Variants in DIPK1A observed in about 807,000 individuals in gnomAD.
DIPK1A encodes divergent protein kinase domain 1A.
Under a neutral mutation model 40.8 loss-of-function variants are expected in DIPK1A, and 27 were observed. That is an observed-to-expected ratio of 0.66 (90% CI 0.49 to 0.91). The LOEUF (loss-of-function observed/expected upper bound fraction) is 0.91, where lower values mean the gene tolerates loss of function less well. Among genes scored for constraint, DIPK1A ranks in the 40% least tolerant of loss-of-function variants. The pLI is 0.00. For missense variants in DIPK1A, 412 were observed against 505.7 expected (o/e 0.81, Z 1.78); for synonymous variants, 166 against 171.3 (o/e 0.97, Z 0.24).
chr1:92,955,752 G>C (rs1353043279), intron 1 of DIPK1A, among the ~76,000 whole-genome samples: 2 of 151,124 alleles, frequency 1.3e-5, no homozygotes, highest in African/African-American at 4.9e-5. Context: ...AATGAAAATA[G>C]GGGAGGGGCC....
chr1:92,851,273 G>A (rs773439910), intron 2 of DIPK1A, among the ~76,000 whole-genome samples: 10 of 152,052 alleles, frequency 6.6e-5, no homozygotes, highest in Non-Finnish European at 7.4e-5. Flanking sequence ...GCCAGGCACC[G>A]TGGCTCACGC....
rs72726483 is a variant in DIPK1A, at chr1:92,843,132, G to A, written c.*251C>T. ...TTCACAGCATTGGTTTTTAAAGTCA[G>A]TCAAAATAGTTACACAATGAATGTA... On this transcript the variant is annotated 3_prime_UTR_variant, in exon 5 of 5. Coordinates refer to ENST00000370310, the MANE Select transcript of DIPK1A (RefSeq NM_001006605.5). The A allele has an allele frequency of 8.7e-4, 1,018 of 1,175,258 alleles. No homozygotes were observed. Among genetic ancestry groups the A allele is most frequent in the Non-Finnish European group, 1.0e-3 (970 of 948,168 alleles). 72.8% of individuals were successfully genotyped at this position (1,175,258 alleles called of 1,614,324 possible). A position where few individuals can be genotyped will look rare whatever the true frequency, so the allele number is the denominator to read the frequency against.
rs776079220 is a variant in DIPK1A, at chr1:92,847,288, A to G, written c.369T>C (p.Asp123=). 1 of 1,612,730 alleles carries G rather than the reference A, an allele frequency of 6.2e-7. No individual in the cohort carries two copies. Among genetic ancestry groups the G allele is most frequent in the Non-Finnish European group, 8.5e-7 (1 of 1,179,310 alleles). Residue 123 remains aspartate (D), a synonymous_variant, in exon 4 of 5, where the codon GAT becomes GAC. Coordinates refer to ENST00000370310, the MANE Select transcript of DIPK1A (RefSeq NM_001006605.5). The part of the protein sequence containing the change: ...KCQMEQALHL[D]FGTELEPRKE... Reference sequence around the variant, plus strand: ...TTCTTGGTTCCAATTCAGTTCCAAAATCAAGATGAAGCGCTTGTTCCATTT... The same window carrying G: ...TTCTTGGTTCCAATTCAGTTCCAAAGTCAAGATGAAGCGCTTGTTCCATTT...
intron 1 of DIPK1A, among the ~76,000 whole-genome samples, chr1:92,960,957 G>A (rs1201225047): frequency 6.6e-6 from 1 of 152,234 alleles, no homozygotes; most frequent in Non-Finnish European, 1.5e-5. Context: ...AAGGGCAACC[G>A]ACCTGCGGGG....
At chr1:92,885,051 A>T (rs1352558584) in intron 1 of DIPK1A, among the ~76,000 whole-genome samples, 3 of 152,180 alleles carry the variant, frequency 2.0e-5, no homozygotes, top group Non-Finnish European at 4.4e-5. Flanking sequence ...TCCTAGACAC[A>T]TGGTAATTAA....
chr1:92,938,993 C>T (rs1404649060), intron 1 of DIPK1A, among the ~76,000 whole-genome samples: 3 of 151,416 alleles, frequency 2.0e-5, no homozygotes, highest in African/African-American at 4.9e-5. Flanking sequence ...CTCTGCATCT[C>T]GGATTTAAGT....
chr1:92,960,093 G>C (rs1428427182), intron 1 of DIPK1A, among the ~76,000 whole-genome samples: 1 of 151,350 alleles, frequency 6.6e-6, no homozygotes, highest in African/African-American at 2.4e-5. Flanking sequence ...AGATTACACA[G>C]AGGTACCTGG....
At chr1:92,928,931 C>T (rs1431950033) in intron 1 of DIPK1A, among the ~76,000 whole-genome samples, 2 of 151,942 alleles carry the variant, frequency 1.3e-5, no homozygotes, top group African/African-American at 2.4e-5. Context: ...CACTGAACTC[C>T]AGCCTGGGCA....
chr1:92,882,167 C>A (rs965648109), intron 1 of DIPK1A, among the ~76,000 whole-genome samples: 1 of 152,192 alleles, frequency 6.6e-6, no homozygotes. Context: ...GTGGGCAGAT[C>A]ACCTGAGGTC....
intron 1 of DIPK1A, among the ~76,000 whole-genome samples, chr1:92,887,806 G>A (rs112000882): frequency 1.3e-5 from 2 of 152,274 alleles, no homozygotes; most frequent in African/African-American, 4.8e-5. Flanking sequence ...AGAACATACA[G>A]AGGATAAGCA....
downstream of DIPK1A, chr1:92,841,743 A>G (rs1301429900): frequency 1.3e-6 from 2 of 1,519,352 alleles, no homozygotes; most frequent in Admixed American, 3.4e-5. Flanking sequence ...AGTTTAAAAA[A>G]TATATATTCC....
At chr1:92,872,967 C>T (rs1465586539) in intron 2 of DIPK1A, among the ~76,000 whole-genome samples, 1 of 152,148 alleles carries the variant, frequency 6.6e-6, no homozygotes, top group East Asian at 1.9e-4. Flanking sequence ...GCATGAGGTT[C>T]CCCTGGTTTT....
At chr1:92,866,183 C>A (rs762794682) in intron 2 of DIPK1A, among the ~76,000 whole-genome samples, 6 of 152,216 alleles carry the variant, frequency 3.9e-5, no homozygotes, top group Non-Finnish European at 7.3e-5. Context: ...CTCACTGCAG[C>A]CTCCGTCTCC....
intron 1 of DIPK1A, chr1:92,930,949 T>C (rs888770851): frequency 1.3e-5 from 2 of 152,216 alleles, no homozygotes; most frequent in African/African-American, 4.8e-5. Flanking sequence ...CTCCAATTGT[T>C]GACTTACTTT....
chr1:92,843,676 C>G lies in DIPK1A; in HGVS notation c.994G>C (p.Glu332Gln). ...CCATAGACACAGTCCAAATCAGACTCACAGTGACGATCCTTAATAAGTTCT... is the reference window on the plus strand; with the variant it reads ...CCATAGACACAGTCCAAATCAGACTGACAGTGACGATCCTTAATAAGTTCT... ...LKELIKDRHC[E>Q]SDLDCVYGTD... Residue 332 changes from glutamate to glutamine, a missense_variant, in exon 5 of 5, where the codon GAG becomes CAG. Physicochemically the swap from Glu to Gln is conservative, Grantham distance 29. Coordinates refer to ENST00000370310, the MANE Select transcript of DIPK1A (RefSeq NM_001006605.5). 1 of 1,551,756 alleles carries G rather than the reference C, an allele frequency of 6.4e-7. No individual in the cohort carries two copies. Among genetic ancestry groups the G allele is most frequent in the Non-Finnish European group, 8.7e-7 (1 of 1,147,010 alleles).
intron 1 of DIPK1A, among the ~76,000 whole-genome samples, chr1:92,952,527 G>A (rs1232898739): frequency 6.6e-6 from 1 of 152,102 alleles, no homozygotes; most frequent in African/African-American, 2.4e-5. Flanking sequence ...GGCTGAGGTG[G>A]GAGATCGCTT....
chr1:92,834,660 C>A, intron 4 of DIPK1A: 1 of 1,360,764 alleles, frequency 7.3e-7, no homozygotes, highest in Non-Finnish European at 1.0e-6. Context: ...GAGTCTTAAG[C>A]ATTTTAAGTG....
intron 1 of DIPK1A, among the ~76,000 whole-genome samples, chr1:92,897,201 C>T (rs1649209360): frequency 6.6e-6 from 1 of 152,192 alleles, no homozygotes; most frequent in Non-Finnish European, 1.5e-5. Context: ...AAGACACATG[C>T]ATATGTATGT....
rs754326168 is a variant in DIPK1A, at chr1:92,843,935, A to C, written c.735T>G (p.Ile245Met). 1.3e-6 allele frequency: 2 copies of C among 1,551,826 alleles called. No individual in the cohort carries two copies. Among genetic ancestry groups the C allele is most frequent in the South Asian group, 2.4e-5 (2 of 84,062 alleles). Reference sequence around the variant, plus strand: ...TGAACCCAGATGGAATAAAAAGTTCAATGACCCAAGGAAGGCTTATTCCAT... The same window carrying C: ...TGAACCCAGATGGAATAAAAAGTTCCATGACCCAAGGAAGGCTTATTCCAT... ...SLYGISLPWV[I>M]ELFIPSGFRR... The change falls in exon 5 of 5, where the codon ATT becomes ATG. Residue 245 changes from isoleucine (I) to methionine (M), a missense_variant. Transcript: ENST00000370310.
Sources: gnomAD v4.1 joint callset for allele counts (sites outside exome capture counted in the v4.1 genomes callset) on GRCh38, gnomAD v4.1.1 for gene constraint, MANE v1.5 for transcripts, NCBI Gene and HGNC (gene_info 2026-07-23, HGNC 2026-07-21) for gene names.